ADGRD1: variants seen among roughly 807,000 people sequenced by gnomAD.
ADGRD1 encodes G-protein coupled receptor 133.
ADGRD1 carries 77 observed loss-of-function variants against 113.4 expected under a neutral mutation model. The ratio of observed to expected loss-of-function variants is 0.68; its 90% CI spans 0.57 to 0.82. The LOEUF (loss-of-function observed/expected upper bound fraction) is 0.82. Among genes scored for constraint, ADGRD1 ranks in the 40% least tolerant of loss-of-function variants. The pLI is 0.00. For synonymous variants in ADGRD1, 474 were observed against 475.0 expected (o/e 1.00, Z 0.03); for missense variants, 1,036 against 1,139.1 (o/e 0.91, Z 1.30).
intron 13 of ADGRD1, among the ~76,000 whole-genome samples, chr12:131,063,843 G>T: frequency 6.6e-6 from 1 of 152,178 alleles, no homozygotes; most frequent in Non-Finnish European, 1.5e-5. Flanking sequence ...GGGATGACTA[G>T]GAATTACATT....
intron 6 of ADGRD1, chr12:130,987,680 T>A: frequency 2.8e-6 from 1 of 351,926 alleles, no homozygotes; most frequent in South Asian, 2.9e-5. Context: ...GTTAGCCGTG[T>A]GCCTCCCAGG....
chr12:131,129,196 G>A (rs532134954), intron 20 of ADGRD1, among the ~76,000 whole-genome samples: 1 of 121,634 alleles, frequency 8.2e-6, no homozygotes. Flanking sequence ...GCTGTCTGGT[G>A]TGAGTGACAG....
chr12:131,042,828 TA>T (rs1163519872), intron 13 of ADGRD1, among the ~76,000 whole-genome samples: 1 of 152,270 alleles, frequency 6.6e-6, no homozygotes, highest in African/African-American at 2.4e-5. Flanking sequence ...GCCAGCAGAA[TA>T]ATTTGATTTA....
rs538593341 is a variant in ADGRD1, at chr12:131,018,497, C to T, written c.1473+4157C>T. Among the ~76,000 whole-genome samples, 7 of 152,076 alleles carry T rather than the reference C, an allele frequency of 4.6e-5. 1 individual carries two copies. The highest frequency in any genetic ancestry group is 1.2e-4 in the African/African-American group (5 of 41,464). ...ACAGGAGGGAAGCTCCACCTCGGGT[C>T]GGCCGCCTCACGCAGCGCTTCCCTC... is the stretch of plus-strand genomic sequence containing the variant. On this transcript the variant is annotated intron_variant, in intron 13 of 24. Coordinates refer to ENST00000261654, the MANE Select transcript of ADGRD1 (RefSeq NM_198827.5).
Position 131,096,153 on chromosome 12 carries a change from T to G in ADGRD1, c.1672-8678T>G, listed in dbSNP as rs1333144719. Among the ~76,000 whole-genome samples the G allele has an allele frequency of 2.6e-5, 4 of 152,236 alleles. No individual in the cohort carries two copies. The highest frequency in any genetic ancestry group is 1.3e-4 in the Admixed American group (2 of 15,284). ...CCCGCTTTGCTCTTTGTTCTTTTTTTGTTTGTTTTTAAAATTTTCTGTACC... is the reference window on the plus strand; with the variant it reads ...CCCGCTTTGCTCTTTGTTCTTTTTTGGTTTGTTTTTAAAATTTTCTGTACC... On this transcript the variant is annotated intron_variant, in intron 15 of 24. Transcript: ENST00000261654. This position sits in a 1 kb window ranked among gnomAD's most constrained non-coding sequence, Gnocchi z 5.2.
At chr12:131,104,273 G>A (rs1950174099) in intron 15 of ADGRD1, among the ~76,000 whole-genome samples, 1 of 151,886 alleles carries the variant, frequency 6.6e-6, no homozygotes, top group African/African-American at 2.4e-5. Context: ...ACTACTTTGT[G>A]CGGGGACTGG....
intron 15 of ADGRD1, among the ~76,000 whole-genome samples, chr12:131,088,546 A>G (rs1463175983): frequency 6.6e-6 from 1 of 152,086 alleles, no homozygotes; most frequent in East Asian, 1.9e-4. Context: ...CCCGGCCCTG[A>G]GCAAGGACAG....
At chr12:131,007,741 C>T (rs1877323619) in intron 12 of ADGRD1, among the ~76,000 whole-genome samples, 1 of 152,246 alleles carries the variant, frequency 6.6e-6, no homozygotes, top group Admixed American at 6.5e-5. Flanking sequence ...CCATGAGCAG[C>T]ACATTTACGT....
At chr12:131,070,971 G>A (rs530790420) in intron 13 of ADGRD1, 2 of 517,990 alleles carry the variant, frequency 3.9e-6, no homozygotes, top group Admixed American at 1.9e-5. Context: ...TGCACCATCA[G>A]GGGAATGTAA....
rs550859804 is a variant in ADGRD1 at position 131,062,282 on chromosome 12, C to T, written c.1474-14519C>T. Among the ~76,000 whole-genome samples, 15 of 152,270 alleles carry T rather than the reference C, an allele frequency of 9.9e-5. No individual in the cohort carries two copies. The South Asian group carries it at 2.7e-3, about 27-fold the overall frequency. On this transcript the variant is annotated intron_variant, in intron 13 of 24. Transcript: ENST00000261654. Reference sequence around the variant, plus strand: ...TGCTGGGATTATAGGCGTGAGCCACCGCGCCTGACCAAACCACAATTTGTT... The same window carrying T: ...TGCTGGGATTATAGGCGTGAGCCACTGCGCCTGACCAAACCACAATTTGTT...
chr12:131,015,315 G>C (rs1304506918), intron 13 of ADGRD1, among the ~76,000 whole-genome samples: 1 of 152,234 alleles, frequency 6.6e-6, no homozygotes, highest in African/African-American at 2.4e-5. Context: ...GATGGAGATG[G>C]AGAGGGGACT....
intron 13 of ADGRD1, among the ~76,000 whole-genome samples, chr12:131,040,390 TA>T (rs1275564025): frequency 1.3e-5 from 2 of 152,252 alleles, no homozygotes; most frequent in African/African-American, 4.8e-5. Flanking sequence ...TACATTAAAG[TA>T]AATGTATATT....
chr12:131,138,394 CCA>C (rs1288849129), intron 24 of ADGRD1, among the ~76,000 whole-genome samples, 165 bp downstream of exon 24: 1 of 152,186 alleles, frequency 6.6e-6, no homozygotes, highest in African/African-American at 2.4e-5. Flanking sequence ...CTTGTGTCCC[CCA>C]CACAGTGCCC....
chr12:131,044,996 C>G (rs1882531640), intron 13 of ADGRD1, among the ~76,000 whole-genome samples: 1 of 152,266 alleles, frequency 6.6e-6, no homozygotes, highest in African/African-American at 2.4e-5. Flanking sequence ...TGCTCGGGAG[C>G]GCCTTCTCCG....
Position 130,984,475 on chromosome 12 carries a change from T to C in ADGRD1, c.490+2412T>C, listed in dbSNP as rs1873382984. On this transcript the variant is annotated intron_variant, in intron 5 of 24. Coordinates refer to ENST00000261654, the MANE Select transcript of ADGRD1 (RefSeq NM_198827.5). The surrounding 1 kb of genome is among the most constrained non-coding windows in gnomAD (Gnocchi z 4.1). ...ATTGCTGTTAGATTTTAATAGATTT[T>C]ATTTTTTAGAACAGTTTTAGATTCA... 6.6e-6 allele frequency among the ~76,000 whole-genome samples: 1 copy of C among 152,182 alleles called. No individual in the cohort carries two copies. The highest frequency in any genetic ancestry group is 1.5e-5 in the Non-Finnish European group (1 of 68,030).
chr12:131,065,944 G>C (rs1884689035), intron 13 of ADGRD1, among the ~76,000 whole-genome samples: 1 of 152,146 alleles, frequency 6.6e-6, no homozygotes. Flanking sequence ...GGCCTCTCAG[G>C]AACGCTGGGG....
rs539390699 is a variant in ADGRD1 at position 131,031,579 on chromosome 12, T to C, written c.1473+17239T>C. 2.6e-5 allele frequency among the ~76,000 whole-genome samples: 4 copies of C among 152,130 alleles called. No individual in the cohort carries two copies. The East Asian group carries it at 7.7e-4, about 29-fold the overall frequency. On this transcript the variant is annotated intron_variant, in intron 13 of 24. Transcript: ENST00000261654. ...ATTAGCAAACACGGCCCCCCCACCC[T>C]TCCTTCAGGCCTGGTCTTAAACCAG...
chr12:131,106,441 C>T (rs964592671), intron 17 of ADGRD1, among the ~76,000 whole-genome samples: 1 of 152,204 alleles, frequency 6.6e-6, no homozygotes, highest in African/African-American at 2.4e-5. Flanking sequence ...AGAGCTGAGA[C>T]TCTCTGAAGT....
intron 21 of ADGRD1, among the ~76,000 whole-genome samples, 157 bp from the exon 22 acceptor site, chr12:131,135,880 A>G (rs181055846): frequency 3.9e-5 from 6 of 152,170 alleles, no homozygotes; most frequent in African/African-American, 9.7e-5. Flanking sequence ...TCCCAGGTAA[A>G]TGCCTCAACC....
Sources: allele counts gnomAD v4.1 joint callset (sites outside exome capture counted in the v4.1 genomes callset), GRCh38; gene constraint gnomAD v4.1.1; non-coding constraint Gnocchi (gnomAD v3.1); transcripts MANE v1.5; gene names NCBI Gene and HGNC (gene_info 2026-07-23, HGNC 2026-07-21).